Variants in NRXN1 observed in about 807,000 individuals in gnomAD.
NRXN1 encodes the protein neurexin-1.
Under a neutral mutation model 150.9 loss-of-function variants are expected in NRXN1, and 39 were observed. The observed-to-expected ratio is 0.26, with a 90% CI of 0.20 to 0.34. The LOEUF (loss-of-function observed/expected upper bound fraction) is 0.34, where lower values mean the gene tolerates loss of function less well. Ranked by LOEUF, NRXN1 falls within the 10% of genes least tolerant of loss-of-function variation. The probability of loss-of-function intolerance (pLI) is 1.00; values close to 1 mark genes in which losing one functional copy is unlikely to be tolerated. For missense variants in NRXN1, 1,815 were observed against 1,949.9 expected (o/e 0.93, Z 1.30); for synonymous variants, 924 against 757.0 (o/e 1.22, Z -3.62).
intron 5 of NRXN1, among the ~76,000 whole-genome samples, chr2:50,879,656 A>G (rs1679136268): frequency 6.6e-6 from 1 of 151,882 alleles, no homozygotes; most frequent in Non-Finnish European, 1.5e-5. Context: ...CTATTTGCCA[A>G]GTTCCTCTTT....
At chr2:50,799,093 A>G (rs1044631587) in intron 5 of NRXN1, among the ~76,000 whole-genome samples, 1 of 152,196 alleles carries the variant, frequency 6.6e-6, no homozygotes, top group African/African-American at 2.4e-5. Flanking sequence ...TCTACCATCT[A>G]TCTCAGTATC....
intron 2 of NRXN1, among the ~76,000 whole-genome samples, chr2:50,999,115 T>C (rs898167767): frequency 2.6e-5 from 4 of 152,048 alleles, no homozygotes; most frequent in African/African-American, 9.7e-5. Flanking sequence ...AGCATGCCTG[T>C]CCATAACTAG....
chr2:50,648,850 G>A (rs1685181831), intron 5 of NRXN1, among the ~76,000 whole-genome samples: 1 of 151,938 alleles, frequency 6.6e-6, no homozygotes, highest in Non-Finnish European at 1.5e-5. Flanking sequence ...TTTCCTCATA[G>A]AACTTTTGGC....
chr2:50,231,412 GT>G lies in NRXN1; in HGVS notation c.3546+5376del, dbSNP rs1359905140. On this transcript the variant is annotated intron_variant, in intron 18 of 22. Transcript: ENST00000401669. ...GACTTGACACGTCACCAATATTGGT[GT>G]TATTTTGGGACATGTAATATTTACT... Among the ~76,000 whole-genome samples, 7 of 152,154 alleles carry G rather than the reference GT, an allele frequency of 4.6e-5. No individual in the cohort carries two copies. The East Asian group carries it at 1.2e-3, about 25-fold the overall frequency.
intron 2 of NRXN1, among the ~76,000 whole-genome samples, chr2:51,000,055 C>T (rs1699838587): frequency 6.6e-6 from 1 of 151,992 alleles, no homozygotes; most frequent in African/African-American, 2.4e-5. Flanking sequence ...AATTACCGTG[C>T]CCATCTATCT....
intron 17 of NRXN1, among the ~76,000 whole-genome samples, chr2:50,380,348 T>A (rs1170103009): frequency 1.3e-5 from 2 of 151,914 alleles, no homozygotes; most frequent in Non-Finnish European, 2.9e-5. Flanking sequence ...ACTCTGCTGA[T>A]TATACTATAT....
intron 5 of NRXN1, chr2:50,829,681 G>A (rs947539777): frequency 2.7e-5 from 44 of 1,610,492 alleles, no homozygotes; most frequent in South Asian, 6.6e-5. Flanking sequence ...TGACACAGCG[G>A]AGCGCCGCGC....
intron 10 of NRXN1, among the ~76,000 whole-genome samples, chr2:50,537,305 CTCA>C (rs2093283702): frequency 1.3e-5 from 2 of 152,100 alleles, no homozygotes; most frequent in African/African-American, 2.4e-5. Flanking sequence ...AATGGAACAA[CTCA>C]TCAATATTTT....
rs1317343296 is a variant in NRXN1, at chr2:50,888,614, T to TTCA, written c.832+33254_832+33255insTGA. Among the ~76,000 whole-genome samples, 5 of 151,734 alleles carry TTCA rather than the reference T, an allele frequency of 3.3e-5. No individual in the cohort carries two copies. In the East Asian group the frequency reaches 9.7e-4, roughly 29 times the overall value. On this transcript the variant is annotated intron_variant, in intron 5 of 22. Coordinates refer to ENST00000401669, the MANE Select transcript of NRXN1 (RefSeq NM_001330078.2). ...TTCCTCTCTGCAGAAAATCATGAAC[T>TTCA]GCAATAACTGTAATCCACCATTAGC...
intron 5 of NRXN1, among the ~76,000 whole-genome samples, chr2:50,707,911 T>C (rs1028431454): frequency 5.9e-5 from 9 of 152,204 alleles, no homozygotes; most frequent in African/African-American, 2.2e-4. Flanking sequence ...TAGCTACAGA[T>C]GGATAATCTC....
intron 5 of NRXN1, among the ~76,000 whole-genome samples, chr2:50,736,421 TAGTG>T (rs142286847): frequency 0.022 from 3,326 of 152,254 alleles, 51 homozygotes; most frequent in Middle Eastern, 0.085. Context: ...TGGAACGCCC[TAGTG>T]AGTGTCTTTA....
At chr2:50,545,594 A>G (rs1430551469) in intron 9 of NRXN1, among the ~76,000 whole-genome samples, 2 of 152,228 alleles carry the variant, frequency 1.3e-5, no homozygotes, top group African/African-American at 4.8e-5. Context: ...TGTATAAAAC[A>G]AGAATGCCAA....
intron 21 of NRXN1, among the ~76,000 whole-genome samples, chr2:50,042,963 T>A (rs188411381): frequency 1.2e-4 from 18 of 152,188 alleles, no homozygotes; most frequent in African/African-American, 4.3e-4. Flanking sequence ...ATTAACTAGA[T>A]CACAGGTACA....
At chr2:50,835,250 G>A (rs533756244) in intron 5 of NRXN1, among the ~76,000 whole-genome samples, 96 of 152,024 alleles carry the variant, frequency 6.3e-4, no homozygotes, top group Non-Finnish European at 1.1e-3. Context: ...CTAAGTGAAA[G>A]ATGAAGTAAT....
chr2:50,295,024 C>T (rs912778460), intron 17 of NRXN1, among the ~76,000 whole-genome samples: 1 of 152,188 alleles, frequency 6.6e-6, no homozygotes, highest in Non-Finnish European at 1.5e-5. Context: ...ACTATATTAA[C>T]TATTGGAAAC....
chr2:50,828,331 C>G (rs1432800977), intron 5 of NRXN1, among the ~76,000 whole-genome samples: 1 of 150,946 alleles, frequency 6.6e-6, no homozygotes. Context: ...CTGAACCCCC[C>G]GCCTCCCTCC....
chr2:50,688,981 C>G (rs939896758), intron 5 of NRXN1, among the ~76,000 whole-genome samples: 2 of 152,212 alleles, frequency 1.3e-5, no homozygotes, highest in South Asian at 2.1e-4. Context: ...AATCTGGAGA[C>G]TTATAAAAAT....
intron 17 of NRXN1, among the ~76,000 whole-genome samples, chr2:50,267,989 C>T (rs1249201411): frequency 6.6e-5 from 10 of 151,890 alleles, no homozygotes; most frequent in African/African-American, 1.7e-4. Context: ...CAGGAGTTTG[C>T]GACCAGCCTG....
intron 2 of NRXN1, among the ~76,000 whole-genome samples, chr2:50,968,510 T>A (rs1237983592): frequency 6.6e-6 from 1 of 152,062 alleles, no homozygotes; most frequent in African/African-American, 2.4e-5. Flanking sequence ...CAAGGTTAAC[T>A]CTTCTGGTGG....
Sources: gnomAD v4.1 joint callset for allele counts (sites outside exome capture counted in the v4.1 genomes callset) on GRCh38, gnomAD v4.1.1 for gene constraint, MANE v1.5 for transcripts, NCBI Gene and HGNC (gene_info 2026-07-23, HGNC 2026-07-21) for gene names.